The following BNIP3 variants were observed in gnomAD, a reference collection of about 807,000 sequenced individuals.
BNIP3 encodes BCL2 interacting protein 3.
BNIP3 carries 16 observed loss-of-function variants against 23.9 expected under a neutral mutation model. The ratio of observed to expected loss-of-function variants is 0.67; its 90% CI spans 0.45 to 1.01. The LOEUF (loss-of-function observed/expected upper bound fraction) is 1.01, where lower values mean the gene tolerates loss of function less well. BNIP3 is among the 50% of genes least tolerant of loss of function. BNIP3 has a pLI of 0.00. For missense variants in BNIP3, 198 were observed against 248.7 expected, an observed-to-expected ratio of 0.80 and a Z score of 1.37; for synonymous variants, 81 against 89.3, an observed-to-expected ratio of 0.91 and a Z score of 0.53.
At chr10:131,977,309 G>A (rs894762359) in intron 1 of BNIP3, among the ~76,000 whole-genome samples, 1 of 152,118 alleles carries the variant, frequency 6.6e-6, no homozygotes, top group African/African-American at 2.4e-5. Context: ...AAGCCCCAGG[G>A]GTTTAGGTGC....
intron 1 of BNIP3, 51 bp downstream of exon 1, chr10:131,981,710 A>G: frequency 1.5e-6 from 2 of 1,339,162 alleles, no homozygotes; most frequent in South Asian, 2.8e-5. Context: ...GGCCTTCCCC[A>G]GGCTTCCCCC....
rs1371429319 is a variant in BNIP3 at position 131,976,889 on chromosome 10, G to C, written c.47-2946C>G. Among the ~76,000 whole-genome samples, 1 of 152,172 alleles carries C rather than the reference G, an allele frequency of 6.6e-6. No individual in the cohort carries two copies. The highest frequency in any genetic ancestry group is 1.5e-5 in the Non-Finnish European group (1 of 68,020). On this transcript the variant is annotated intron_variant, in intron 1 of 5. Transcript: ENST00000368636. The surrounding 1 kb of genome is among the most constrained non-coding windows in gnomAD (Gnocchi z 4.3). ...GCACTTTTGGAGTACACTGCTAATAGGGTGACTTTATGAATAACGCACACA... is the reference window on the plus strand; with the variant it reads ...GCACTTTTGGAGTACACTGCTAATACGGTGACTTTATGAATAACGCACACA...
chr10:131,973,259 G>A, intron 2 of BNIP3, 141 bp from the exon 3 acceptor site: 3 of 780,618 alleles, frequency 3.8e-6, no homozygotes, highest in South Asian at 1.6e-5. Context: ...CTTCCACCCA[G>A]CACCTGCCAG....
chr10:131,979,093 A>G (rs2037099942), intron 1 of BNIP3, among the ~76,000 whole-genome samples: 1 of 152,074 alleles, frequency 6.6e-6, no homozygotes, highest in South Asian at 2.1e-4. Flanking sequence ...GGCCTATTGC[A>G]CGCAGCCTCA....
chr10:131,978,503 A>G (rs2037096336), intron 1 of BNIP3, among the ~76,000 whole-genome samples: 1 of 151,916 alleles, frequency 6.6e-6, no homozygotes, highest in Admixed American at 6.6e-5. Flanking sequence ...TCCCAGGGCA[A>G]CTCCCTGGGT....
At position 131,970,333 on chromosome 10, in the gene BNIP3, C is replaced by T. The variant is rs1222888742; in HGVS notation, c.539+305G>A. Reference sequence around the variant, plus strand: ...TACTACACAGAAATGAGACTGCTTTCACCTACACACAGGACAAAGAGGTCA... The same window carrying T: ...TACTACACAGAAATGAGACTGCTTTTACCTACACACAGGACAAAGAGGTCA... On this transcript the variant is annotated intron_variant, in intron 5 of 5. Coordinates refer to ENST00000368636, the MANE Select transcript of BNIP3 (RefSeq NM_004052.4). The surrounding 1 kb of genome is among the most constrained non-coding windows in gnomAD (Gnocchi z 4.1). The T allele has an allele frequency of 3.0e-5, 13 of 427,924 alleles. No homozygotes were observed. Among genetic ancestry groups the T allele is most frequent in the Non-Finnish European group, 4.2e-5 (10 of 236,152 alleles). 26.5% of individuals were successfully genotyped at this position (427,924 alleles called of 1,614,324 possible).
At chr10:131,981,674 C>G (rs899714128) in intron 1 of BNIP3, 87 bp downstream of exon 1, 14 of 1,395,880 alleles carry the variant, frequency 1.0e-5, no homozygotes, top group Non-Finnish European at 1.1e-5. Context: ...TAGGCCTCCC[C>G]GGCAACCTCC....
intron 1 of BNIP3, among the ~76,000 whole-genome samples, chr10:131,978,127 A>C (rs2037093742): frequency 6.6e-6 from 1 of 152,084 alleles, no homozygotes; most frequent in Admixed American, 6.6e-5. Flanking sequence ...CTGCAAGAAA[A>C]GCCCTCCTTC....
chr10:131,978,835 C>A (rs958717248), intron 1 of BNIP3, among the ~76,000 whole-genome samples: 2 of 152,204 alleles, frequency 1.3e-5, no homozygotes, highest in African/African-American at 2.4e-5. Context: ...CCCGAGGGAA[C>A]TAGCACCCCA....
chr10:131,981,600 C>G (rs918174159), intron 1 of BNIP3, among the ~76,000 whole-genome samples, 161 bp downstream of exon 1: 4 of 152,206 alleles, frequency 2.6e-5, no homozygotes, highest in African/African-American at 7.2e-5. Context: ...GCTCCGCATG[C>G]CCGCAGGAGG....
intron 1 of BNIP3, among the ~76,000 whole-genome samples, chr10:131,977,198 G>A (rs189332946): frequency 2.0e-5 from 3 of 152,214 alleles, no homozygotes; most frequent in Admixed American, 2.0e-4. Flanking sequence ...GAACCTGAGA[G>A]GGGGAGGTTG....
At chr10:131,973,290 C>T (rs1010832346) in intron 2 of BNIP3, 172 bp from the exon 3 acceptor site, 8 of 635,164 alleles carry the variant, frequency 1.3e-5, no homozygotes, top group Admixed American at 5.7e-5. Context: ...TTCCTCAGCC[C>T]TTTTGGCTGA....
At position 131,970,855 on chromosome 10, in the gene BNIP3, C is replaced by T. The variant is rs753268000; in HGVS notation, c.389+9G>A. 4.3e-6 allele frequency: 7 copies of T among 1,614,260 alleles called. No homozygotes were observed. The highest frequency in any genetic ancestry group is 5.9e-6 in the Non-Finnish European group (7 of 1,180,042). On this transcript the variant is annotated intron_variant, in intron 4 of 5. Transcript: ENST00000368636. This position sits in a 1 kb window ranked among gnomAD's most constrained non-coding sequence, Gnocchi z 4.1. ...AGGGGTGCCCCCGTGACACTGAGAACACACTCACTTGGGGGGAATATTTTC... is the reference window on the plus strand; with the variant it reads ...AGGGGTGCCCCCGTGACACTGAGAATACACTCACTTGGGGGGAATATTTTC...
intron 1 of BNIP3, among the ~76,000 whole-genome samples, chr10:131,978,776 G>C (rs2037097831): frequency 6.6e-6 from 1 of 152,198 alleles, no homozygotes; most frequent in Non-Finnish European, 1.5e-5. Context: ...TCAGAACAGA[G>C]GGAGGCAGCA....
intron 3 of BNIP3, 55 bp downstream of exon 3, chr10:131,972,979 C>G: frequency 6.5e-7 from 1 of 1,545,244 alleles, no homozygotes; most frequent in Non-Finnish European, 8.9e-7. Context: ...AAACCGTTTC[C>G]TGTACAAACA....
In BNIP3 at chr10:131,968,582, A is replaced by G; in HGVS notation, c.540-13T>C. On this transcript the variant is annotated splice_polypyrimidine_tract_variant and intron_variant, in intron 5 of 5. Transcript: ENST00000368636. ...TCCAATATAGATCCTTCACAGAAAA[A>G]TTATCAGTAGTTAATGTATCTTGTG... 1 of 1,586,432 alleles carries G rather than the reference A, an allele frequency of 6.3e-7. No homozygotes were observed. Among genetic ancestry groups the G allele is most frequent in the East Asian group, 2.2e-5 (1 of 44,740 alleles).
intron 1 of BNIP3, among the ~76,000 whole-genome samples, chr10:131,978,963 T>G (rs745662622): frequency 6.6e-5 from 10 of 152,166 alleles, no homozygotes; most frequent in Non-Finnish European, 1.3e-4. Flanking sequence ...GACAAAAGAT[T>G]TCAAGTATCA....
At position 131,976,785 on chromosome 10, in the gene BNIP3, G is replaced by A. The variant is rs2037080578; in HGVS notation, c.47-2842C>T. On this transcript the variant is annotated intron_variant, in intron 1 of 5. Transcript: ENST00000368636. This position sits in a 1 kb window ranked among gnomAD's most constrained non-coding sequence, Gnocchi z 4.3. Reference sequence around the variant, plus strand: ...TTCTACCTCAAGTAACTATCCTGGGGCCACCCTTGAGCCACTGTATTAGCA... The same window carrying A: ...TTCTACCTCAAGTAACTATCCTGGGACCACCCTTGAGCCACTGTATTAGCA... Among the ~76,000 whole-genome samples, 1 of 152,020 alleles carries A rather than the reference G, an allele frequency of 6.6e-6. No homozygotes were observed. Among genetic ancestry groups the A allele is most frequent in the African/African-American group, 2.4e-5 (1 of 41,376 alleles).
At chr10:131,974,277 A>C (rs181723144) in intron 1 of BNIP3, among the ~76,000 whole-genome samples, 1 of 152,260 alleles carries the variant, frequency 6.6e-6, no homozygotes, top group African/African-American at 2.4e-5. Context: ...GTGAGCTTTT[A>C]TAAGAAAAAG....
Sources: allele counts gnomAD v4.1 joint callset (sites outside exome capture counted in the v4.1 genomes callset), GRCh38; gene constraint gnomAD v4.1.1; non-coding constraint Gnocchi (gnomAD v3.1); transcripts MANE v1.5; gene names NCBI Gene and HGNC (gene_info 2026-07-23, HGNC 2026-07-21).